CELF2: variants seen among roughly 807,000 people sequenced by gnomAD.
CELF2 encodes the protein CUG triplet repeat RNA-binding protein 2.
In CELF2, 8 loss-of-function variants were observed where a neutral mutation model predicts 62.6. The observed-to-expected ratio is 0.13, with a 90% CI of 0.07 to 0.23. The LOEUF (loss-of-function observed/expected upper bound fraction) is 0.23. Ranked by LOEUF, CELF2 falls within the 10% of genes least tolerant of loss-of-function variation. The pLI, the probability that CELF2 is intolerant of heterozygous loss-of-function variation, is 1.00. For missense variants in CELF2, 333 were observed against 671.0 expected (o/e 0.50, Z 5.56); for synonymous variants, 258 against 250.0 (o/e 1.03, Z -0.30).
Position 11,317,608 on chromosome 10 carries a change from A to G in CELF2, c.1096+3350A>G, listed in dbSNP as rs1265611201. ...AAGCCTAGCAGGGCAGCTTGCAGGG[A>G]ATGTGGTCTGCTTATGGCACTTGGC... On this transcript the variant is annotated intron_variant, in intron 10 of 12. Coordinates refer to ENST00000633077, the MANE Select transcript of CELF2 (RefSeq NM_001326342.2). 2.6e-5 allele frequency: 4 copies of G among 152,320 alleles called. No homozygotes were observed. In the East Asian group the frequency reaches 7.7e-4, roughly 29 times the overall value. The allele number at this position is 152,320 out of a possible 1,614,324, so 9.4% of individuals were successfully genotyped here. A position where few individuals can be genotyped will look rare whatever the true frequency, so the allele number is the denominator to read the frequency against.
At chr10:10,747,711 T>G in the CELF2 span, among the ~76,000 whole-genome samples, 54 of 152,204 alleles carry the variant, frequency 3.5e-4, no homozygotes, top group African/African-American at 1.2e-3. Flanking sequence ...TATATAGATA[T>G]ATATATATAT....
At chr10:10,863,938 A>G (rs1276430452) in intron 1 of CELF2, among the ~76,000 whole-genome samples, 1 of 152,236 alleles carries the variant, frequency 6.6e-6, no homozygotes, top group Non-Finnish European at 1.5e-5. Flanking sequence ...CATTAGCTCT[A>G]TAAAAGCTTG....
intron 1 of CELF2, among the ~76,000 whole-genome samples, chr10:10,919,321 AAAGT>A (rs2064659015): frequency 6.6e-6 from 1 of 152,116 alleles, no homozygotes; most frequent in Admixed American, 6.6e-5. Context: ...CAATTGGGAC[AAAGT>A]TAGTTTTGAA....
At chr10:11,150,119 A>C (rs1321092066) in intron 1 of CELF2, among the ~76,000 whole-genome samples, 5 of 152,166 alleles carry the variant, frequency 3.3e-5, no homozygotes, top group Admixed American at 1.3e-4. Flanking sequence ...TATCTGTTTC[A>C]TTGTTGTCTT....
the CELF2 span, among the ~76,000 whole-genome samples, chr10:10,531,063 A>G: frequency 6.6e-6 from 1 of 152,226 alleles, no homozygotes; most frequent in Non-Finnish European, 1.5e-5. Flanking sequence ...CTGTTACAGT[A>G]CCAGCAAGCT....
chr10:10,626,925 T>A, the CELF2 span, among the ~76,000 whole-genome samples: 2 of 152,318 alleles, frequency 1.3e-5, no homozygotes, highest in South Asian at 4.1e-4. Context: ...ATTCCTTAAA[T>A]CCTAGCGCAA....
intron 1 of CELF2, among the ~76,000 whole-genome samples, chr10:11,162,826 TATTTTG>T (rs556027492): frequency 2.6e-5 from 4 of 152,280 alleles, no homozygotes; most frequent in Non-Finnish European, 5.9e-5. Flanking sequence ...AGAGAGCCCT[TATTTTG>T]TGCCATGTCT....
At chr10:10,868,284 G>C (rs1770533499) in intron 1 of CELF2, among the ~76,000 whole-genome samples, 1 of 152,212 alleles carries the variant, frequency 6.6e-6, no homozygotes, top group Admixed American at 6.5e-5. Flanking sequence ...GCCTGGATCA[G>C]AGATGCAAGA....
chr10:10,558,871 C>A, the CELF2 span, among the ~76,000 whole-genome samples: 1 of 152,082 alleles, frequency 6.6e-6, no homozygotes, highest in African/African-American at 2.4e-5. Flanking sequence ...TCACTGGGCA[C>A]ATGTGACTGA....
intron 3 of CELF2, among the ~76,000 whole-genome samples, chr10:11,229,409 A>G (rs2067784595): frequency 6.6e-6 from 1 of 151,140 alleles, no homozygotes; most frequent in Non-Finnish European, 1.5e-5. Context: ...AGATGAACTT[A>G]TAAAGAACCG....
intron 2 of CELF2, among the ~76,000 whole-genome samples, chr10:10,999,088 T>C (rs1292488552): frequency 1.3e-5 from 2 of 152,210 alleles, no homozygotes; most frequent in African/African-American, 4.8e-5. Flanking sequence ...TCCTTAAAGT[T>C]AGGAACAGGC....
the CELF2 span, among the ~76,000 whole-genome samples, chr10:10,744,417 C>T: frequency 3.9e-5 from 6 of 152,080 alleles, no homozygotes; most frequent in African/African-American, 1.2e-4. Flanking sequence ...TAGTACATTT[C>T]CAAAGTGTTT....
the CELF2 span, among the ~76,000 whole-genome samples, chr10:10,560,393 A>T: frequency 1.3e-5 from 2 of 152,204 alleles, no homozygotes; most frequent in African/African-American, 4.8e-5. Context: ...ACGGATTACC[A>T]ACCATCTAAT....
intron 2 of CELF2, among the ~76,000 whole-genome samples, chr10:10,935,992 A>G (rs939211385): frequency 2.1e-5 from 3 of 143,092 alleles, no homozygotes; most frequent in Admixed American, 6.6e-5. Flanking sequence ...TCTCTACTAA[A>G]AATACAAAAA....
At chr10:11,287,395 A>G (rs564660806) in intron 8 of CELF2, among the ~76,000 whole-genome samples, 1 of 152,348 alleles carries the variant, frequency 6.6e-6, no homozygotes, top group South Asian at 2.1e-4. Context: ...GGGAGAAAAG[A>G]TAGTTAAACT....
chr10:11,073,062 T>G (rs2070658933), intron 1 of CELF2, among the ~76,000 whole-genome samples: 1 of 152,078 alleles, frequency 6.6e-6, no homozygotes, highest in Admixed American at 6.6e-5. Flanking sequence ...GAAATACAAT[T>G]ATGATAAATA....
intron 1 of CELF2, among the ~76,000 whole-genome samples, chr10:10,811,340 G>C (rs1375807335): frequency 6.6e-6 from 1 of 152,186 alleles, no homozygotes; most frequent in Non-Finnish European, 1.5e-5. Context: ...TTTTTAAAGG[G>C]AGAATGGGGT....
chr10:11,043,327 C>T lies in CELF2; in HGVS notation c.74+25164C>T, dbSNP rs565224133. ...ACCGTCACCATTCACTGCAACATTG[C>T]ATTTCAGGAAAGCTGGGTGAAGAAA... On this transcript the variant is annotated intron_variant, in intron 1 of 12. Transcript: ENST00000633077. 6.6e-5 allele frequency among the ~76,000 whole-genome samples: 10 copies of T among 152,302 alleles called. No individual in the cohort carries two copies. In the South Asian group the frequency reaches 2.1e-3, roughly 32 times the overall value.
Position 11,333,422 on chromosome 10 carries a change from T to TAAAG in CELF2, c.*4370_*4371insAAGA, listed in dbSNP as rs1448748085. On this transcript the variant is annotated 3_prime_UTR_variant, in exon 13 of 13. Transcript: ENST00000633077. Reference sequence around the variant, plus strand: ...TTTAATCTAAATTAGAGAATTGTGATACAATGGCAGTCCTCAAAGGCGTAA... The same window carrying TAAAG: ...TTTAATCTAAATTAGAGAATTGTGATAAAGACAATGGCAGTCCTCAAAGGCGTAA... 6.6e-6 allele frequency: 1 copy of TAAAG among 152,660 alleles called. No individual in the cohort carries two copies. The highest frequency in any genetic ancestry group is 1.5e-5 in the Non-Finnish European group (1 of 68,034). The allele number at this position is 152,660 out of a possible 1,614,324, so 9.5% of individuals were successfully genotyped here.
Sources: gnomAD v4.1 joint callset for allele counts (sites outside exome capture counted in the v4.1 genomes callset) on GRCh38, gnomAD v4.1.1 for gene constraint, MANE v1.5 for transcripts, NCBI Gene and HGNC (gene_info 2026-07-23, HGNC 2026-07-21) for gene names.